Variants in ALK observed in about 807,000 individuals in gnomAD.
The protein encoded by ALK is ALK receptor tyrosine kinase.
In ALK, 74 loss-of-function variants were observed where a neutral mutation model predicts 163.1. The observed-to-expected ratio is 0.45, with a 90% CI of 0.38 to 0.55. The LOEUF (loss-of-function observed/expected upper bound fraction) is 0.55, where lower values mean the gene tolerates loss of function less well. Among genes scored for constraint, ALK ranks in the 20% least tolerant of loss-of-function variants. The pLI, the probability that ALK is intolerant of heterozygous loss-of-function variation, is 0.00. For synonymous variants in ALK, 960 were observed against 843.2 expected (o/e 1.14, Z -2.40); for missense variants, 2,063 against 2,105.3 (o/e 0.98, Z 0.39).
chr2:29,335,045 G>A (rs1667568599), intron 5 of ALK, among the ~76,000 whole-genome samples: 1 of 152,142 alleles, frequency 6.6e-6, no homozygotes, highest in Non-Finnish European at 1.5e-5. Flanking sequence ...GCCCCGGCTG[G>A]CCACAGCCTG....
intron 3 of ALK, among the ~76,000 whole-genome samples, chr2:29,587,414 G>C (rs1284057914): frequency 6.6e-6 from 1 of 151,030 alleles, no homozygotes; most frequent in Non-Finnish European, 1.5e-5. Flanking sequence ...AGGTGAAATA[G>C]CCTTTGCTAT....
chr2:29,602,635 C>T (rs549162155), intron 3 of ALK, among the ~76,000 whole-genome samples: 43 of 152,248 alleles, frequency 2.8e-4, no homozygotes, highest in Admixed American at 3.9e-4. Context: ...ATAATGTCAC[C>T]ACCCCTCACC....
chr2:29,876,679 A>G (rs1208758685), intron 1 of ALK, among the ~76,000 whole-genome samples: 1 of 135,758 alleles, frequency 7.4e-6, no homozygotes, highest in East Asian at 2.5e-4. Flanking sequence ...GATGGTAACG[A>G]TGGTGATATG....
At chr2:29,316,384 G>T (rs532316727) in intron 8 of ALK, among the ~76,000 whole-genome samples, 2 of 152,218 alleles carry the variant, frequency 1.3e-5, no homozygotes, top group South Asian at 4.1e-4. Context: ...CTGGAAAAGG[G>T]CAGGGAATAG....
chr2:29,513,340 T>C (rs1334150789), intron 4 of ALK, among the ~76,000 whole-genome samples: 4 of 140,480 alleles, frequency 2.8e-5, no homozygotes, highest in Non-Finnish European at 4.6e-5. Flanking sequence ...TCAGAAATAA[T>C]GCCGCATATC....
intron 1 of ALK, among the ~76,000 whole-genome samples, chr2:29,795,199 C>T (rs192144024): frequency 3.9e-5 from 6 of 152,136 alleles, no homozygotes; most frequent in Middle Eastern, 3.4e-3. Context: ...CACACACACA[C>T]GCAAAGAGCT....
chr2:29,806,816 A>T (rs1291302338), intron 1 of ALK, among the ~76,000 whole-genome samples: 1 of 152,240 alleles, frequency 6.6e-6, no homozygotes, highest in African/African-American at 2.4e-5. Flanking sequence ...TGGCAAAGAC[A>T]CAAGAAGCAA....
In ALK at chr2:29,209,844, G is replaced by C. The variant is rs766988856; in HGVS notation, c.3778C>G (p.Pro1260Ala). 1 of 1,614,166 alleles carries C rather than the reference G, an allele frequency of 6.2e-7. No individual in the cohort carries two copies. The highest frequency in any genetic ancestry group is 8.5e-7 in the Non-Finnish European group (1 of 1,180,016). ...ATCTTGGCCACTCTTCCAGGGCCTG[G>C]ACAGGTCAAGAGGCAGTTTCTGGCA... ...IAARNCLLTCPGPGRVAKIGD... is the reference protein window; with the variant it reads ...IAARNCLLTCAGPGRVAKIGD... The change falls in exon 25 of 29, where the codon CCA becomes GCA. Residue 1260 changes from proline to alanine, a missense_variant. Physicochemically the swap from Pro to Ala is conservative, Grantham distance 27 (BLOSUM62 -1). Coordinates refer to ENST00000389048, the MANE Select transcript of ALK (RefSeq NM_004304.5).
intron 2 of ALK, among the ~76,000 whole-genome samples, chr2:29,697,842 A>G (rs1399673466): frequency 6.6e-6 from 1 of 152,190 alleles, no homozygotes; most frequent in Non-Finnish European, 1.5e-5. Context: ...AAATTTCAGA[A>G]TACAGTGGGG....
chr2:29,568,540 A>G (rs1287554021), intron 3 of ALK, among the ~76,000 whole-genome samples: 1 of 151,998 alleles, frequency 6.6e-6, no homozygotes, highest in Non-Finnish European at 1.5e-5. Context: ...AGGCTTTTCA[A>G]GTCGAGAGTT....
chr2:29,431,930 G>A (rs555313369), intron 4 of ALK, among the ~76,000 whole-genome samples: 6 of 151,850 alleles, frequency 4.0e-5, no homozygotes, highest in South Asian at 2.1e-4. Flanking sequence ...ATCCTGTCCC[G>A]TCCCGTCCCG....
chr2:29,663,928 A>T (rs1435958018), intron 3 of ALK, among the ~76,000 whole-genome samples: 3 of 152,146 alleles, frequency 2.0e-5, no homozygotes, highest in East Asian at 1.9e-4. Flanking sequence ...CCTGAAGGGG[A>T]CTTAGAAAAA....
chr2:29,879,730 A>G (rs926370634), intron 1 of ALK, among the ~76,000 whole-genome samples: 6 of 152,214 alleles, frequency 3.9e-5, no homozygotes, highest in African/African-American at 1.4e-4. Flanking sequence ...CCCACTTATG[A>G]AAGGGAAGAG....
chr2:29,195,984 C>T (rs1057094172), intron 28 of ALK, among the ~76,000 whole-genome samples: 2 of 152,032 alleles, frequency 1.3e-5, no homozygotes, highest in African/African-American at 4.8e-5. Flanking sequence ...GTATCAGAGA[C>T]AGGGAGGAAA....
chr2:29,365,064 C>T (rs117388156), intron 5 of ALK, among the ~76,000 whole-genome samples: 15 of 152,248 alleles, frequency 9.9e-5, no homozygotes, highest in East Asian at 3.9e-4. Context: ...AGGTTGAGTT[C>T]GGTGGATGCT....
intron 9 of ALK, among the ~76,000 whole-genome samples, chr2:29,292,936 C>T (rs901209159): frequency 6.6e-6 from 1 of 152,136 alleles, no homozygotes; most frequent in Non-Finnish European, 1.5e-5. Flanking sequence ...TGACTAGAGC[C>T]CTTTTCTCTC....
At chr2:29,209,945 T>A in intron 24 of ALK, 67 bp from the exon 25 acceptor site, 1 of 1,267,346 alleles carries the variant, frequency 7.9e-7, no homozygotes, top group South Asian at 1.2e-5. Flanking sequence ...CGGCCATCAC[T>A]AGGATTTTAT....
chr2:29,636,337 GAAAGA>G (rs149544557), intron 3 of ALK, among the ~76,000 whole-genome samples: 30,211 of 147,070 alleles, frequency 0.21, 3,418 homozygotes, highest in Admixed American at 0.27. Flanking sequence ...AATAAAGAAA[GAAAGA>G]AAAGAAAAGA....
At chr2:29,628,858 T>C (rs1446381634) in intron 3 of ALK, among the ~76,000 whole-genome samples, 2 of 152,202 alleles carry the variant, frequency 1.3e-5, no homozygotes, top group Non-Finnish European at 2.9e-5. Flanking sequence ...AACATTCACA[T>C]ACAGATTTAG....
Sources: allele counts gnomAD v4.1 joint callset (sites outside exome capture counted in the v4.1 genomes callset), GRCh38; gene constraint gnomAD v4.1.1; transcripts MANE v1.5; gene names NCBI Gene and HGNC (gene_info 2026-07-23, HGNC 2026-07-21).